The following C10orf143 variants were observed in gnomAD, a reference collection of about 807,000 sequenced individuals.
The protein encoded by C10orf143 is uncharacterized protein C10orf143.
chr10:130,044,218 A>G (rs1167753130), intron 3 of C10orf143, among the ~76,000 whole-genome samples: 2 of 152,170 alleles, frequency 1.3e-5, no homozygotes, highest in Non-Finnish European at 1.5e-5. Context: ...TGATAGGAGA[A>G]GCCTTGGCGG....
intron 3 of C10orf143, among the ~76,000 whole-genome samples, chr10:130,046,117 G>A (rs1860668585): frequency 6.6e-6 from 1 of 151,662 alleles, no homozygotes; most frequent in East Asian, 1.9e-4. Flanking sequence ...CGTGGGACGG[G>A]GCGTGGCGTG....
chr10:130,039,677 C>T (rs1000270603), intron 3 of C10orf143, among the ~76,000 whole-genome samples: 2 of 152,202 alleles, frequency 1.3e-5, no homozygotes, highest in African/African-American at 4.8e-5. Flanking sequence ...AAAATTCACA[C>T]TCATGCCCTG....
intron 3 of C10orf143, among the ~76,000 whole-genome samples, chr10:130,040,878 G>A (rs1171312735): frequency 6.8e-6 from 1 of 148,146 alleles, no homozygotes; most frequent in East Asian, 1.9e-4. Context: ...AGGGCCTATG[G>A]CTCAGTGAGG....
chr10:130,096,704 G>C (rs1861468299), intron 1 of C10orf143, among the ~76,000 whole-genome samples: 1 of 150,436 alleles, frequency 6.6e-6, no homozygotes, highest in Admixed American at 6.7e-5. Context: ...CTTTTCAGGG[G>C]GCAGGGGGCT....
intron 3 of C10orf143, among the ~76,000 whole-genome samples, chr10:130,073,604 C>T (rs1861067723): frequency 6.7e-6 from 1 of 149,818 alleles, no homozygotes; most frequent in Non-Finnish European, 1.5e-5. Flanking sequence ...TCGCCTATTA[C>T]GTGATCAGCT....
chr10:130,079,093 C>G (rs1861164734), intron 3 of C10orf143, among the ~76,000 whole-genome samples: 1 of 152,190 alleles, frequency 6.6e-6, no homozygotes, highest in Non-Finnish European at 1.5e-5. Flanking sequence ...CTGGCAGTTT[C>G]TGACCTCCCT....
intron 1 of C10orf143, chr10:130,104,474 GAAGT>G (rs1342393549): frequency 6.6e-6 from 1 of 152,264 alleles, no homozygotes; most frequent in African/African-American, 2.4e-5. Flanking sequence ...GCTGGGAACA[GAAGT>G]AAGAAACTAG....
intron 1 of C10orf143, among the ~76,000 whole-genome samples, chr10:130,089,664 T>C (rs1298965736): frequency 6.6e-6 from 1 of 152,168 alleles, no homozygotes; most frequent in African/African-American, 2.4e-5. Flanking sequence ...AAACTTAATA[T>C]ACAGCTCCAG....
intron 1 of C10orf143, among the ~76,000 whole-genome samples, chr10:130,097,933 AT>A (rs942372598): frequency 6.6e-6 from 1 of 151,600 alleles, no homozygotes; most frequent in African/African-American, 2.4e-5. Flanking sequence ...ATGGCCAGAG[AT>A]TTTTCTGAAG....
intron 3 of C10orf143, among the ~76,000 whole-genome samples, chr10:130,044,780 C>A (rs908873971): frequency 7.9e-5 from 12 of 152,156 alleles, no homozygotes; most frequent in African/African-American, 2.9e-4. Flanking sequence ...GTCCAGACTT[C>A]CTCTGGGGAT....
chr10:130,104,165 C>T (rs1193611243), intron 1 of C10orf143: 1 of 152,202 alleles, frequency 6.6e-6, no homozygotes, highest in East Asian at 1.9e-4. Flanking sequence ...CTCTACTCAT[C>T]GTTTCTTCAT....
At chr10:130,082,090 T>G (rs1267372443) in intron 1 of C10orf143, among the ~76,000 whole-genome samples, 2 of 151,950 alleles carry the variant, frequency 1.3e-5, no homozygotes, top group Non-Finnish European at 2.9e-5. Context: ...GTGGTAGCAT[T>G]AAAAGTCCAG....
chr10:130,081,468 G>A (rs1005472833), intron 1 of C10orf143, among the ~76,000 whole-genome samples: 2 of 152,054 alleles, frequency 1.3e-5, no homozygotes, highest in South Asian at 2.1e-4. Context: ...ATCAACCAAG[G>A]TTGACCTTAT....
chr10:130,090,126 A>G (rs1861356583), intron 1 of C10orf143, among the ~76,000 whole-genome samples: 1 of 152,194 alleles, frequency 6.6e-6, no homozygotes, highest in East Asian at 1.9e-4. Context: ...AGCTGGCAAG[A>G]TGGCCAAATA....
Position 130,108,132 on chromosome 10 carries a change from T to C in C10orf143, c.69+2572A>G, listed in dbSNP as rs560542485. 8.7e-4 allele frequency: 1,356 copies of C among 1,562,740 alleles called. 12 individuals are homozygous for C. In the South Asian group the frequency reaches 0.012, roughly 14 times the overall value. On this transcript the variant is annotated intron_variant, in intron 1 of 3. Transcript: ENST00000637128. Reference sequence around the variant, plus strand: ...CGCTTTGTTCCTCCACCTCTTGCCCTAATCAGAGGTCCACTGTTTCCAGTG... The same window carrying C: ...CGCTTTGTTCCTCCACCTCTTGCCCCAATCAGAGGTCCACTGTTTCCAGTG...
chr10:130,078,979 T>C (rs1242234474), intron 3 of C10orf143, among the ~76,000 whole-genome samples: 4 of 152,200 alleles, frequency 2.6e-5, no homozygotes, highest in African/African-American at 9.7e-5. Context: ...CAAAGACATA[T>C]TAACTTGTTC....
chr10:130,062,024 C>T (rs950993567), downstream of C10orf143, among the ~76,000 whole-genome samples: 1 of 152,146 alleles, frequency 6.6e-6, no homozygotes, highest in Admixed American at 6.5e-5. Context: ...GACAACAAGG[C>T]CACGGGCAGG....
In C10orf143 at chr10:130,064,375, A is replaced by G. The variant is rs1286988934; in HGVS notation, c.306T>C (p.Phe102=). Residue 102 remains phenylalanine, a synonymous_variant, in exon 4 of 4, where the codon TTT becomes TTC. Coordinates refer to ENST00000637128, the MANE Select transcript of C10orf143 (RefSeq NM_001355042.2). ...TCTTCTAATGATTCTTGGTATGGCTAAAATGTCCCTACAAAGATAAAACAG... is the reference window on the plus strand; with the variant it reads ...TCTTCTAATGATTCTTGGTATGGCTGAAATGTCCCTACAAAGATAAAACAG... ...PRCIAGESGH[F]SHTKNH 3.3e-5 allele frequency: 13 copies of G among 398,466 alleles called. No homozygotes were observed. The allele number at this position is 398,466 out of a possible 1,614,324, so 24.7% of individuals were successfully genotyped here.
chr10:130,098,995 G>A (rs1861504785), intron 1 of C10orf143, among the ~76,000 whole-genome samples: 2 of 151,352 alleles, frequency 1.3e-5, no homozygotes, highest in Admixed American at 1.3e-4. Context: ...GGCTGAGGCA[G>A]GAGAATCACT....
Sources: gnomAD v4.1 joint callset for allele counts (sites outside exome capture counted in the v4.1 genomes callset) on GRCh38, gnomAD v4.1.1 for gene constraint, MANE v1.5 for transcripts, NCBI Gene and HGNC (gene_info 2026-07-23, HGNC 2026-07-21) for gene names.